Variants in GRIK4 observed in about 807,000 individuals in gnomAD.
GRIK4 encodes glutamate ionotropic receptor kainate type subunit 4.
A neutral mutation model predicts 104.9 loss-of-function variants in GRIK4; 40 were observed. That is an observed-to-expected ratio of 0.38 (90% CI 0.30 to 0.50). The LOEUF is 0.50. Among genes scored for constraint, GRIK4 ranks in the 20% least tolerant of loss-of-function variants. The pLI is 0.93. For synonymous variants in GRIK4, 485 were observed against 524.9 expected (o/e 0.92, Z 1.04); for missense variants, 1,047 against 1,308.1 (o/e 0.80, Z 3.08).
intron 3 of GRIK4, among the ~76,000 whole-genome samples, chr11:120,707,712 C>T (rs1950654408): frequency 6.6e-6 from 1 of 152,146 alleles, no homozygotes; most frequent in South Asian, 2.1e-4. Context: ...GAATGGGCAG[C>T]TAGACAGGGA....
At position 120,862,086 on chromosome 11, in the gene GRIK4, A is replaced by G. The variant is rs1954280276; in HGVS notation, c.872A>G (p.Glu291Gly). 2 of 1,614,154 alleles carry G rather than the reference A, an allele frequency of 1.2e-6. No homozygotes were observed. The highest frequency in any genetic ancestry group is 1.7e-6 in the Non-Finnish European group (2 of 1,180,008). Residue 291 changes from glutamate to glycine, a missense_variant, in exon 9 of 21, where the codon GAG becomes GGG. Glu to Gly is a moderately conservative substitution (Grantham distance 98). This residue lies in a region of GRIK4 where 447 missense variants were observed against 514.9 expected (regional missense o/e 0.87). Transcript: ENST00000527524. ...CAGAGCCTCAACCAGTCCTGGCAGG[A>G]GAACTGTGACCATGTGCCCTTCACT... The part of the protein sequence containing the change: ...FAQSLNQSWQ[E>G]NCDHVPFTGP...
chr11:120,598,412 G>A (rs962061205), intron 1 of GRIK4, among the ~76,000 whole-genome samples: 5 of 152,150 alleles, frequency 3.3e-5, no homozygotes, highest in Non-Finnish European at 1.5e-5. Flanking sequence ...TTCTCCATCG[G>A]CTCCAGGGAC....
intron 3 of GRIK4, among the ~76,000 whole-genome samples, chr11:120,776,922 A>G (rs553423237): frequency 6.6e-6 from 1 of 152,180 alleles, no homozygotes; most frequent in African/African-American, 2.4e-5. Flanking sequence ...CAGAAGCAAC[A>G]TCCCATGATT....
intron 3 of GRIK4, among the ~76,000 whole-genome samples, chr11:120,778,165 C>T (rs17124310): frequency 0.03 from 4,506 of 152,202 alleles, 171 homozygotes; most frequent in African/African-American, 0.084. Flanking sequence ...TCTGTAAGTT[C>T]CTCGAAGGCA....
intron 1 of GRIK4, among the ~76,000 whole-genome samples, chr11:120,582,073 C>CACACCACCATGCCTAGCTAATT (rs1289782316): frequency 6.6e-6 from 1 of 152,020 alleles, no homozygotes; most frequent in African/African-American, 2.4e-5. Flanking sequence ...TCCCAAAGTG[C>CACACCACCATGCCTAGCTAATT]TGGGATTACA....
At chr11:120,584,382 T>C (rs886880716) in intron 1 of GRIK4, among the ~76,000 whole-genome samples, 4 of 152,244 alleles carry the variant, frequency 2.6e-5, no homozygotes, top group Admixed American at 2.6e-4. Context: ...CTGCAGGCTT[T>C]ACAGGAAGCA....
chr11:120,664,393 C>A (rs921442153), intron 3 of GRIK4, among the ~76,000 whole-genome samples: 3 of 152,172 alleles, frequency 2.0e-5, no homozygotes, highest in African/African-American at 7.2e-5. Flanking sequence ...ATGCTATGTG[C>A]CAAGCACTGA....
intron 11 of GRIK4, among the ~76,000 whole-genome samples, chr11:120,885,442 A>G (rs1955090605): frequency 6.6e-6 from 1 of 151,760 alleles, no homozygotes; most frequent in African/African-American, 2.4e-5. Flanking sequence ...CTGGAGTGCA[A>G]TGGCACAATC....
chr11:120,885,724 G>A (rs567478600), intron 11 of GRIK4, among the ~76,000 whole-genome samples: 7 of 152,120 alleles, frequency 4.6e-5, no homozygotes, highest in East Asian at 1.9e-4. Context: ...ACTTCTGTCC[G>A]AAAAGAAAGG....
At chr11:120,924,395 TCTC>T (rs1943294675) in intron 13 of GRIK4, among the ~76,000 whole-genome samples, 1 of 152,044 alleles carries the variant, frequency 6.6e-6, no homozygotes, top group Non-Finnish European at 1.5e-5. Context: ...CAGTGGCCAT[TCTC>T]CTACTTGGGA....
intron 3 of GRIK4, among the ~76,000 whole-genome samples, chr11:120,748,709 C>G (rs573740827): frequency 6.6e-6 from 1 of 152,194 alleles, no homozygotes; most frequent in Non-Finnish European, 1.5e-5. Flanking sequence ...CACTCAGCAC[C>G]CAATCCCTCT....
At chr11:120,795,987 G>C (rs932726428) in intron 3 of GRIK4, among the ~76,000 whole-genome samples, 1 of 150,402 alleles carries the variant, frequency 6.6e-6, no homozygotes, top group African/African-American at 2.4e-5. Flanking sequence ...ATTTTTGTTG[G>C]TGTTATTTTT....
At chr11:120,877,226 C>T (rs1306636551) in intron 11 of GRIK4, among the ~76,000 whole-genome samples, 7 of 152,176 alleles carry the variant, frequency 4.6e-5, no homozygotes, top group African/African-American at 9.7e-5. Flanking sequence ...CCAGAAATTT[C>T]GGGGATGGCA....
chr11:120,637,215 A>AGGGAGCGGGTGTTCTTGAG (rs1949409462), intron 1 of GRIK4, among the ~76,000 whole-genome samples: 1 of 152,134 alleles, frequency 6.6e-6, no homozygotes, highest in South Asian at 2.1e-4. Context: ...TCAGACAGGC[A>AGGGAGCGGGTGTTCTTGAG]GGGAGCGGGT....
intron 3 of GRIK4, among the ~76,000 whole-genome samples, chr11:120,742,528 T>TATTA (rs201198529): frequency 1.8e-4 from 27 of 150,124 alleles, no homozygotes; most frequent in Admixed American, 8.0e-4. Flanking sequence ...TTATTATTAT[T>TATTA]TTTTTTTGAG....
At chr11:120,650,409 G>A (rs1949602108) in intron 1 of GRIK4, among the ~76,000 whole-genome samples, 1 of 152,210 alleles carries the variant, frequency 6.6e-6, no homozygotes, top group South Asian at 2.1e-4. Flanking sequence ...TGTGATTTCT[G>A]AAACTCACTG....
chr11:120,544,938 C>T (rs1948070742), intron 1 of GRIK4, among the ~76,000 whole-genome samples: 1 of 152,182 alleles, frequency 6.6e-6, no homozygotes, highest in Non-Finnish European at 1.5e-5. Context: ...AGCCCGGACT[C>T]CCAGGGTGCG....
chr11:120,979,366 T>C (rs990321206), intron 19 of GRIK4, among the ~76,000 whole-genome samples: 8 of 152,306 alleles, frequency 5.3e-5, no homozygotes, highest in African/African-American at 1.7e-4. Flanking sequence ...CACAGCCAGT[T>C]GTAAGTTAAC....
chr11:120,796,621 G>C (rs1345259707), intron 3 of GRIK4, among the ~76,000 whole-genome samples: 1 of 152,026 alleles, frequency 6.6e-6, no homozygotes, highest in East Asian at 2.0e-4. Context: ...CAAGGGACAG[G>C]GACAGCATTG....
Sources: allele counts gnomAD v4.1 joint callset (sites outside exome capture counted in the v4.1 genomes callset), GRCh38; gene constraint gnomAD v4.1.1; regional missense constraint gnomAD v4.1.1; transcripts MANE v1.5; gene names NCBI Gene and HGNC (gene_info 2026-07-23, HGNC 2026-07-21).